The following IGSF9B variants were observed in gnomAD, a reference collection of about 807,000 sequenced individuals.
The protein encoded by IGSF9B is protein turtle homolog B.
IGSF9B carries 48 observed loss-of-function variants against 143.7 expected under a neutral mutation model. The ratio of observed to expected loss-of-function variants is 0.33; its 90% CI spans 0.26 to 0.42. The LOEUF (loss-of-function observed/expected upper bound fraction) is 0.42, where lower values mean the gene tolerates loss of function less well. IGSF9B is among the 20% of genes least tolerant of loss of function. IGSF9B has a pLI of 1.00. For missense variants in IGSF9B, 1,706 were observed against 1,980.0 expected (o/e 0.86, Z 2.63); for synonymous variants, 903 against 833.1 (o/e 1.08, Z -1.44).
rs547459400 is a variant in IGSF9B, at chr11:133,905,872, G to A, written c.*3197C>T. ...CCACCAGCAAATCAAGACAGGCTTC[G>A]CCTCTCTGCCTCGTCGTACATCTTC... On this transcript the variant is annotated 3_prime_UTR_variant, in exon 20 of 20. Transcript: ENST00000533871. The surrounding 1 kb of genome is among the most constrained non-coding windows in gnomAD (Gnocchi z 4.0). 1.6e-4 allele frequency among the ~76,000 whole-genome samples: 24 copies of A among 152,332 alleles called. No individual in the cohort carries two copies. In the Middle Eastern group the frequency reaches 0.01, roughly 65 times the overall value.
Position 133,932,074 on chromosome 11 carries a change from C to T in IGSF9B, c.1107G>A (p.Glu369=). Reference sequence around the variant, plus strand: ...TCAACATGCATCTCTCTAGCACCTTCTCAACCTGCAGGGGACGGCCGTCCT... The same window carrying T: ...TCAACATGCATCTCTCTAGCACCTTTTCAACCTGCAGGGGACGGCCGTCCT... ...WNKDGRPLQV[E]KNLGWTLMED... The change falls in exon 8 of 20, where the codon GAG becomes GAA. Residue 369 remains glutamate (E), a synonymous_variant. Coordinates refer to ENST00000533871, the MANE Select transcript of IGSF9B (RefSeq NM_001277285.4). 6.2e-7 allele frequency: 1 copy of T among 1,612,478 alleles called. No homozygotes were observed. Among genetic ancestry groups the T allele is most frequent in the Non-Finnish European group, 8.5e-7 (1 of 1,178,904 alleles).
chr11:133,931,763 G>A lies in IGSF9B; in HGVS notation c.1143C>T (p.Ser381=). 1.2e-6 allele frequency: 2 copies of A among 1,612,104 alleles called. No homozygotes were observed. The highest frequency in any genetic ancestry group is 8.5e-7 in the Non-Finnish European group (1 of 1,179,390). ...NLGWTLMEDG[S]IRIEEATEEA... is the part of the protein sequence containing the mutation. ...CCTCTGTGGCCTCCTCAATTCGAAT[G>A]GAGCCATCCTCCATCAGGGTCCAAC... is the stretch of plus-strand genomic sequence containing the variant. The change falls in exon 9 of 20, where the codon TCC becomes TCT. Residue 381 remains serine (S), a synonymous_variant. Coordinates refer to ENST00000533871, the MANE Select transcript of IGSF9B (RefSeq NM_001277285.4). The surrounding 1 kb of genome is among the most constrained non-coding windows in gnomAD (Gnocchi z 7.7).
At chr11:133,939,579 C>T (rs549247800) in intron 3 of IGSF9B, among the ~76,000 whole-genome samples, 6 of 152,342 alleles carry the variant, frequency 3.9e-5, no homozygotes, top group South Asian at 2.1e-4. Context: ...ACCTGCAGGC[C>T]GATACCAAAA....
rs1186546008 is a variant in IGSF9B, at chr11:133,921,131, A to T, written c.2594T>A (p.Met865Lys). Reference sequence around the variant, plus strand: ...GCGCCTGCTCTTCAGCGAGGGCTCCATCTCGGCAGGGTCCATCACGAAGCG... The same window carrying T: ...GCGCCTGCTCTTCAGCGAGGGCTCCTTCTCGGCAGGGTCCATCACGAAGCG... ...DGRFVMDPAE[M>K]EPSLKSRRIE... is the part of the protein sequence containing the mutation. The change falls in exon 18 of 20, where the codon ATG (methionine) becomes AAG (lysine). Residue 865 changes from methionine to lysine, a missense_variant. Met to Lys is a moderately conservative substitution (Grantham distance 95, BLOSUM62 -1). Around this residue, in one of 7 missense-constraint regions of IGSF9B, gnomAD observed 880 missense variants for 762.9 expected, o/e 1.15. Coordinates refer to ENST00000533871, the MANE Select transcript of IGSF9B (RefSeq NM_001277285.4). 3 of 1,613,704 alleles carry T rather than the reference A, an allele frequency of 1.9e-6. No individual in the cohort carries two copies. The highest frequency in any genetic ancestry group is 1.3e-5 in the African/African-American group (1 of 75,076).
At chr11:133,921,450 C>T in intron 17 of IGSF9B, 53 bp from the exon 18 acceptor site, 2 of 1,369,610 alleles carry the variant, frequency 1.5e-6, no homozygotes, top group Admixed American at 2.9e-5. Context: ...GTGTGCTGGC[C>T]AGGACTTCCT....
intron 1 of IGSF9B, among the ~76,000 whole-genome samples, chr11:133,950,814 G>A (rs1025276161): frequency 1.3e-5 from 2 of 152,250 alleles, no homozygotes; most frequent in Middle Eastern, 3.4e-3. Context: ...GGGAAGCGGG[G>A]AACGGAGTGA....
Position 133,929,770 on chromosome 11 carries a change from T to C in IGSF9B, c.1532A>G (p.His511Arg). Residue 511 changes from histidine (H) to arginine (R), a missense_variant, in exon 12 of 20, where the codon CAT becomes CGT. By Grantham distance (29) the His-to-Arg change is conservative. Transcript: ENST00000533871. ...CTGGACCCGGACACTGCCCGGGGCATGGGGGCTGGTGCCTGGAGATCAAGT... is the reference window on the plus strand; with the variant it reads ...CTGGACCCGGACACTGCCCGGGGCACGGGGGCTGGTGCCTGGAGATCAAGT... ...THLTVIGTSP[H>R]APGSVRVQVS... 2 of 1,612,346 alleles carry C rather than the reference T, an allele frequency of 1.2e-6. No individual in the cohort carries two copies. Among genetic ancestry groups the C allele is most frequent in the African/African-American group, 1.3e-5 (1 of 74,998 alleles).
chr11:133,916,612 GC>G (rs1939387145), intron 18 of IGSF9B, among the ~76,000 whole-genome samples: 1 of 152,228 alleles, frequency 6.6e-6, no homozygotes, highest in Non-Finnish European at 1.5e-5. Flanking sequence ...CCTCATCGCT[GC>G]CCCTGGTTTC....
intron 1 of IGSF9B, among the ~76,000 whole-genome samples, chr11:133,950,253 G>GA (rs903178697): frequency 1.3e-5 from 2 of 152,246 alleles, no homozygotes; most frequent in African/African-American, 4.8e-5. Context: ...GGACTGCTCT[G>GA]AATACGGAGG....
At position 133,921,308 on chromosome 11, in the gene IGSF9B, T is replaced by C. The variant is rs772586048; in HGVS notation, c.2417A>G (p.Lys806Arg). Residue 806 changes from lysine (K) to arginine (R), a missense_variant, in exon 18 of 20, where the codon AAG becomes AGG. Coordinates refer to ENST00000533871, the MANE Select transcript of IGSF9B (RefSeq NM_001277285.4). Reference protein sequence around the residue: ...SSDDQGQPAAKRMLSPTREKE... With the variant: ...SSDDQGQPAARRMLSPTREKE... ...CTCACGGGTGGGGCTCAGCATCCTC[T>C]TGGCCGCGGGCTGGCCCTGGTCGTC... 22 of 1,607,402 alleles carry C rather than the reference T, an allele frequency of 1.4e-5. No individual in the cohort carries two copies. The highest frequency in any genetic ancestry group is 1.5e-5 in the Non-Finnish European group (18 of 1,176,642).
chr11:133,918,774 A>C (rs914499201), intron 18 of IGSF9B, among the ~76,000 whole-genome samples: 3 of 151,042 alleles, frequency 2.0e-5, no homozygotes, highest in Non-Finnish European at 4.4e-5. Context: ...AGGCGGCTAC[A>C]TCGAGAAGAG....
At chr11:133,919,069 G>A (rs754091899) in intron 18 of IGSF9B, 1 of 497,680 alleles carries the variant, frequency 2.0e-6, no homozygotes. Context: ...TCTCAGGCGG[G>A]CTGGTCGCGG....
rs954858285 is a variant in IGSF9B, at chr11:133,901,170, C to T, written c.*7899G>A. ...TCCACACAACCTTCAGCTCACTTGT[C>T]CTTCCTGCAGGTGGGTTATTTGTTT... On this transcript the variant is annotated 3_prime_UTR_variant, in exon 20 of 20. Transcript: ENST00000533871. 9 of 152,222 alleles carry T rather than the reference C, an allele frequency of 5.9e-5. No homozygotes were observed. The highest frequency in any genetic ancestry group is 1.2e-4 in the Non-Finnish European group (8 of 68,050). 9.4% of individuals were successfully genotyped at this position (152,222 alleles called of 1,614,324 possible). A position where few individuals can be genotyped will look rare whatever the true frequency, so the allele number is the denominator to read the frequency against.
chr11:133,956,670 G>A (rs1172964611), intron 1 of IGSF9B, 21 bp downstream of exon 1: 1 of 1,518,626 alleles, frequency 6.6e-7, no homozygotes. Context: ...GGCAGGGGAG[G>A]GACGCCGCAC....
In IGSF9B at chr11:133,920,478, T is replaced by G. The variant is rs1591711599; in HGVS notation, c.3247A>C (p.Thr1083Pro). The G allele has an allele frequency of 1.3e-6, 2 of 1,569,320 alleles. No homozygotes were observed. The highest frequency in any genetic ancestry group is 1.2e-5 in the South Asian group (1 of 84,612). ...KAGLPRGLPP[T>P]SLQVPAAYPG... is the part of the protein sequence containing the mutation. The stretch of plus-strand genomic sequence containing the variant: ...TAGGCCGCGGGCACCTGCAGGGAGG[T>G]GGGGGGCAGTCCTCGGGGGAGGCCG... The change falls in exon 18 of 20, where the codon ACC becomes CCC. Residue 1083 changes from threonine to proline, a missense_variant. By Grantham distance (38) the Thr-to-Pro change is conservative. Transcript: ENST00000533871.
intron 5 of IGSF9B, among the ~76,000 whole-genome samples, 178 bp from the exon 6 acceptor site, chr11:133,936,372 G>T (rs75966148): frequency 2.0e-5 from 3 of 152,030 alleles, no homozygotes; most frequent in Non-Finnish European, 4.4e-5. Flanking sequence ...CACCACCCCT[G>T]CCCCCGCACC....
intron 1 of IGSF9B, among the ~76,000 whole-genome samples, chr11:133,949,711 G>C (rs1389001540): frequency 6.6e-6 from 1 of 151,908 alleles, no homozygotes; most frequent in Non-Finnish European, 1.5e-5. Flanking sequence ...ATGGAGACTG[G>C]AAGGGGGAGG....
intron 18 of IGSF9B, among the ~76,000 whole-genome samples, chr11:133,918,720 C>T (rs981284830): frequency 1.3e-5 from 2 of 150,026 alleles, no homozygotes; most frequent in African/African-American, 2.5e-5. Context: ...CCCATCCTGC[C>T]TTCCACCAGG....
intron 1 of IGSF9B, among the ~76,000 whole-genome samples, chr11:133,947,708 T>TTTCTCTC (rs1555098681): frequency 1.5e-5 from 2 of 134,800 alleles, no homozygotes; most frequent in Non-Finnish European, 3.2e-5. Context: ...TCTGTGTTTG[T>TTTCTCTC]TCTCTCTCTC....
Sources: allele counts gnomAD v4.1 joint callset (sites outside exome capture counted in the v4.1 genomes callset), GRCh38; gene constraint gnomAD v4.1.1; regional missense constraint gnomAD v4.1.1; non-coding constraint Gnocchi (gnomAD v3.1); transcripts MANE v1.5; gene names NCBI Gene and HGNC (gene_info 2026-07-23, HGNC 2026-07-21).